The following AFAP1 variants were observed in gnomAD, a reference collection of about 807,000 sequenced individuals.
AFAP1 encodes actin filament associated protein 1, also known as actin filament-associated protein 1.
A neutral mutation model predicts 93.9 loss-of-function variants in AFAP1; 75 were observed. The ratio of observed to expected loss-of-function variants is 0.80; its 90% CI spans 0.66 to 0.97. AFAP1 has a LOEUF of 0.97. Ranked by LOEUF, AFAP1 falls within the 50% of genes least tolerant of loss-of-function variation. The pLI, the probability that AFAP1 is intolerant of heterozygous loss-of-function variation, is 0.00. For synonymous variants in AFAP1, 517 were observed against 430.7 expected, an observed-to-expected ratio of 1.20 and a Z score of -2.48; for missense variants, 1,201 against 1,050.8, an observed-to-expected ratio of 1.14 and a Z score of -1.98.
At chr4:7,876,452 G>A (rs1717511341) in intron 1 of AFAP1, among the ~76,000 whole-genome samples, 1 of 152,224 alleles carries the variant, frequency 6.6e-6, no homozygotes, top group Non-Finnish European at 1.5e-5. Flanking sequence ...CTAAGAAACA[G>A]GATTCGGTTG....
At position 7,843,366 on chromosome 4, in the gene AFAP1, A is replaced by G. The variant is rs1284673027; in HGVS notation, c.335-16T>C. 1 of 1,598,368 alleles carries G rather than the reference A, an allele frequency of 6.3e-7. No homozygotes were observed. The highest frequency in any genetic ancestry group is 1.7e-5 in the Admixed American group (1 of 58,246). On this transcript the variant is annotated splice_polypyrimidine_tract_variant and intron_variant, in intron 4 of 17. Transcript: ENST00000420658. ...GAATCATAATCTGTAAAAAATAAAC[A>G]TACACTGGTAAAAAGGACTTCTTTA...
chr4:7,782,127 G>A (rs1482652673), intron 12 of AFAP1, among the ~76,000 whole-genome samples: 1 of 152,198 alleles, frequency 6.6e-6, no homozygotes, highest in African/African-American at 2.4e-5. Context: ...GCTTTACACA[G>A]CACTTCTCAC....
chr4:7,773,016 A>G lies in AFAP1; in HGVS notation c.2063-6T>C, dbSNP rs1242615393. 3 of 1,606,728 alleles carry G rather than the reference A, an allele frequency of 1.9e-6. No homozygotes were observed. The highest frequency in any genetic ancestry group is 1.7e-4 in the Middle Eastern group (1 of 6,058). On this transcript the variant is annotated splice_region_variant and splice_polypyrimidine_tract_variant and intron_variant, in intron 15 of 17. Transcript: ENST00000420658. ...GATCGCCTGCGGCTTCCTGCCTGGA[A>G]TTCCCAGAAACGCCGTTACTCCCGC...
intron 1 of AFAP1, among the ~76,000 whole-genome samples, chr4:7,900,210 G>C (rs1041689986): frequency 1.3e-5 from 2 of 152,192 alleles, no homozygotes; most frequent in African/African-American, 4.8e-5. Flanking sequence ...CTGCAAGAAG[G>C]AACTGTGACA....
rs1713918960 is a variant in AFAP1 at position 7,762,267 on chromosome 4, T to C, written c.*1498A>G. 2 of 152,126 alleles carry C rather than the reference T, an allele frequency of 1.3e-5. No homozygotes were observed. The highest frequency in any genetic ancestry group is 1.3e-4 in the Admixed American group (2 of 15,274). 9.4% of individuals were successfully genotyped at this position (152,126 alleles called of 1,614,324 possible). On this transcript the variant is annotated 3_prime_UTR_variant, in exon 18 of 18. Coordinates refer to ENST00000420658, the MANE Select transcript of AFAP1 (RefSeq NM_001134647.2). ...GGGGGAAACCCAAGGAGTCAGTCAG[T>C]GTTTTCCCGCCATCTCTTCCTCTGT...
At position 7,781,442 on chromosome 4, in the gene AFAP1, A is replaced by G; in HGVS notation, c.1716T>C (p.Pro572=). 1 of 1,552,152 alleles carries G rather than the reference A, an allele frequency of 6.4e-7. No individual in the cohort carries two copies. Among genetic ancestry groups the G allele is most frequent in the Non-Finnish European group, 8.7e-7 (1 of 1,147,072 alleles). Residue 572 remains proline, a synonymous_variant, in exon 13 of 18, where the codon CCT becomes CCC. Transcript: ENST00000420658. ...DKLSSNHYKY[P]ASAQSVTNTS... ...TATTAGTGACAGACTGAGCGGAGGC[A>G]GGGTATTTGTAATGGTTAGAGGACA... is the stretch of plus-strand genomic sequence containing the variant.
rs1168905615 is a variant in AFAP1, at chr4:7,761,707, G to C, written c.*2058C>G. On this transcript the variant is annotated 3_prime_UTR_variant, in exon 18 of 18. Transcript: ENST00000420658. ...AACCAGGGAAACTATTTGACCCGAA[G>C]GCAGCAAAAATCTATGGAGGAGCAA... 3 of 152,226 alleles carry C rather than the reference G, an allele frequency of 2.0e-5. No individual in the cohort carries two copies. Among genetic ancestry groups the C allele is most frequent in the Middle Eastern group, 3.4e-3 (1 of 294 alleles). The allele number at this position is 152,226 out of a possible 1,614,324, so 9.4% of individuals were successfully genotyped here.
At chr4:7,812,378 C>T (rs1362695518) in intron 8 of AFAP1, among the ~76,000 whole-genome samples, 1 of 152,066 alleles carries the variant, frequency 6.6e-6, no homozygotes, top group Non-Finnish European at 1.5e-5. Context: ...GCTTGCTCGA[C>T]TCTGACTGCA....
At chr4:7,934,579 G>T (rs1721273727) in intron 1 of AFAP1, among the ~76,000 whole-genome samples, 1 of 152,186 alleles carries the variant, frequency 6.6e-6, no homozygotes, top group Non-Finnish European at 1.5e-5. Flanking sequence ...GGGGCACTCA[G>T]GAGAAGTTGG....
chr4:7,819,993 G>A (rs1477468360), intron 6 of AFAP1, among the ~76,000 whole-genome samples: 2 of 152,228 alleles, frequency 1.3e-5, no homozygotes, highest in South Asian at 2.1e-4. Flanking sequence ...TTAAAAGGCT[G>A]TAGAAAACAC....
intron 1 of AFAP1, among the ~76,000 whole-genome samples, chr4:7,899,242 T>A (rs1718977799): frequency 6.6e-6 from 1 of 152,078 alleles, no homozygotes; most frequent in South Asian, 2.1e-4. Context: ...CCCCCACTGA[T>A]ATCCTCACAA....
In AFAP1 at chr4:7,939,664, GC is replaced by G. The variant is rs1560247515; in HGVS notation, c.-12del. The G allele has an allele frequency of 4.8e-6, 2 of 418,594 alleles. No homozygotes were observed. Among genetic ancestry groups the G allele is most frequent in the South Asian group, 3.3e-5 (2 of 61,104 alleles). 25.9% of individuals were successfully genotyped at this position (418,594 alleles called of 1,614,324 possible). A position where few individuals can be genotyped will look rare whatever the true frequency, so the allele number is the denominator to read the frequency against. On this transcript the variant is annotated 5_prime_UTR_variant, in exon 1 of 18. Transcript: ENST00000420658. This position sits in a 1 kb window ranked among gnomAD's most constrained non-coding sequence, Gnocchi z 5.6. ...CAGTCGCGCCGTCTCACCTCAGGCC[GC>G]CACCTCGCAGCGCTCGCTCCTCGCC... is the stretch of plus-strand genomic sequence containing the variant.
At chr4:7,895,053 G>T (rs1055705689) in intron 1 of AFAP1, among the ~76,000 whole-genome samples, 3 of 152,234 alleles carry the variant, frequency 2.0e-5, no homozygotes, top group Non-Finnish European at 2.9e-5. Flanking sequence ...GAACATCGTT[G>T]GTCTCACACA....
At chr4:7,880,701 T>C (rs1373303184) in intron 1 of AFAP1, among the ~76,000 whole-genome samples, 5 of 152,144 alleles carry the variant, frequency 3.3e-5, no homozygotes, top group Admixed American at 2.0e-4. Flanking sequence ...AGTCAAAGCG[T>C]TCCTTGCTGT....
At position 7,809,583 on chromosome 4, in the gene AFAP1, C is replaced by A. The variant is rs557325534; in HGVS notation, c.1054+31G>T. The A allele has an allele frequency of 5.0e-6, 8 of 1,600,628 alleles. No homozygotes were observed. In the South Asian group the frequency reaches 7.9e-5, roughly 16 times the overall value. On this transcript the variant is annotated intron_variant, in intron 9 of 17. Coordinates refer to ENST00000420658, the MANE Select transcript of AFAP1 (RefSeq NM_001134647.2). The stretch of plus-strand genomic sequence containing the variant: ...AGAAAATGAAACCCACTTAGGTGCA[C>A]GCTGCTCGTCTCCGGGAAGCGCAGT...
intron 1 of AFAP1, among the ~76,000 whole-genome samples, chr4:7,909,755 G>C (rs1719627595): frequency 6.6e-6 from 1 of 152,110 alleles, no homozygotes; most frequent in Non-Finnish European, 1.5e-5. Context: ...ACCATCTGGG[G>C]GTTTTTAACA....
At chr4:7,932,407 T>A (rs1721126358) in intron 1 of AFAP1, among the ~76,000 whole-genome samples, 1 of 152,128 alleles carries the variant, frequency 6.6e-6, no homozygotes, top group Admixed American at 6.6e-5. Context: ...ACAATCAGAT[T>A]CTCTAAAACT....
chr4:7,815,163 AC>A lies in AFAP1; in HGVS notation c.904+854del, dbSNP rs1204955326. ...GTGGAATAAGCACTCACAGAAGGACACGGCCTGTAGGACTCCACTTCAATGA... is the reference window on the plus strand; with the variant it reads ...GTGGAATAAGCACTCACAGAAGGACAGGCCTGTAGGACTCCACTTCAATGA... On this transcript the variant is annotated intron_variant, in intron 8 of 17. Coordinates refer to ENST00000420658, the MANE Select transcript of AFAP1 (RefSeq NM_001134647.2). 4.6e-5 allele frequency among the ~76,000 whole-genome samples: 7 copies of A among 152,278 alleles called. No homozygotes were observed. The East Asian group carries it at 1.4e-3, about 30-fold the overall frequency.
intron 4 of AFAP1, among the ~76,000 whole-genome samples, chr4:7,850,857 C>T (rs1714352376): frequency 1.3e-5 from 2 of 152,224 alleles, no homozygotes; most frequent in African/African-American, 2.4e-5. Flanking sequence ...GCAGTTTGAC[C>T]TCATGGATTA....
Sources: allele counts gnomAD v4.1 joint callset (sites outside exome capture counted in the v4.1 genomes callset), GRCh38; gene constraint gnomAD v4.1.1; non-coding constraint Gnocchi (gnomAD v3.1); transcripts MANE v1.5; gene names NCBI Gene and HGNC (gene_info 2026-07-23, HGNC 2026-07-21).